The following SAMD5 variants were observed in gnomAD, a reference collection of about 807,000 sequenced individuals.
SAMD5 encodes sterile alpha motif domain-containing protein 5.
In SAMD5, 13 loss-of-function variants were observed where a neutral mutation model predicts 11.3. The observed-to-expected ratio is 1.15, with a 90% CI of 0.75 to 1.83. The LOEUF (loss-of-function observed/expected upper bound fraction) is 1.83. Ranked by LOEUF, SAMD5 falls within the 40% of genes most tolerant of loss-of-function variation. The pLI, the probability that SAMD5 is intolerant of heterozygous loss-of-function variation, is 0.00. For synonymous variants in SAMD5, 129 were observed against 111.3 expected, an observed-to-expected ratio of 1.16 and a Z score of -1.00; for missense variants, 255 against 239.1, an observed-to-expected ratio of 1.07 and a Z score of -0.44.
In SAMD5 at chr6:147,603,723, G is replaced by A. The variant is rs114450913; in HGVS notation, c.162+94336G>A. ...CTTTTCACTAAGCTGTTCACAAAGG[G>A]TTCATGTAAATTGACATTTGGCATA... On this transcript the variant is annotated intron_variant, in intron 1 of 1. Transcript: ENST00000566741. 3.1e-3 allele frequency among the ~76,000 whole-genome samples: 472 copies of A among 151,708 alleles called. 5 individuals carry two copies. The highest frequency in any genetic ancestry group is 0.011 in the African/African-American group (460 of 41,374).
intron 1 of SAMD5, among the ~76,000 whole-genome samples, chr6:147,527,466 A>G (rs1464973596): frequency 6.6e-6 from 1 of 152,146 alleles, no homozygotes; most frequent in Non-Finnish European, 1.5e-5. Flanking sequence ...ATTCATGAGA[A>G]GTCCACTGCC....
intron 1 of SAMD5, among the ~76,000 whole-genome samples, chr6:147,590,187 A>T (rs1194139506): frequency 3.3e-5 from 5 of 152,208 alleles, no homozygotes; most frequent in Middle Eastern, 3.2e-3. Context: ...AGCCAGAATC[A>T]TGATGGTTTA....
chr6:147,915,288 T>C, the SAMD5 span, among the ~76,000 whole-genome samples: 4 of 152,234 alleles, frequency 2.6e-5, no homozygotes, highest in East Asian at 7.7e-4. Context: ...TACATAATGA[T>C]ACATAATTTC....
the SAMD5 span, among the ~76,000 whole-genome samples, chr6:147,765,379 T>TG: frequency 1.3e-5 from 2 of 152,220 alleles, no homozygotes; most frequent in Non-Finnish European, 2.9e-5. Context: ...AATGCATATT[T>TG]GGGAATAAAA....
At chr6:147,758,873 TG>T in the SAMD5 span, among the ~76,000 whole-genome samples, 4 of 152,060 alleles carry the variant, frequency 2.6e-5, no homozygotes, top group East Asian at 5.8e-4. Context: ...TCTGTAAGAA[TG>T]GGGGGTACTC....
At chr6:147,802,100 A>G in the SAMD5 span, among the ~76,000 whole-genome samples, 1 of 152,236 alleles carries the variant, frequency 6.6e-6, no homozygotes, top group Admixed American at 6.5e-5. Context: ...ATTAGCAGAC[A>G]CAAGAAATGA....
chr6:147,805,722 C>T, the SAMD5 span, among the ~76,000 whole-genome samples: 2 of 152,046 alleles, frequency 1.3e-5, no homozygotes, highest in African/African-American at 2.4e-5. Context: ...TACAGTGCCT[C>T]AGAAAAGGAA....
the SAMD5 span, among the ~76,000 whole-genome samples, chr6:147,749,191 A>G: frequency 7.0e-6 from 1 of 142,886 alleles, no homozygotes; most frequent in Non-Finnish European, 1.5e-5. Context: ...TTTTTTTGAG[A>G]CAGAGTCTTG....
At chr6:147,603,720 A>C (rs1169512129) in intron 1 of SAMD5, among the ~76,000 whole-genome samples, 1 of 151,986 alleles carries the variant, frequency 6.6e-6, no homozygotes, top group Non-Finnish European at 1.5e-5. Flanking sequence ...CTGTTCACAA[A>C]GGGTTCATGT....
chr6:147,568,032 C>G lies in SAMD5; in HGVS notation c.*3576C>G, dbSNP rs1158027211. The G allele has an allele frequency of 3.0e-6, 3 of 985,256 alleles. No individual in the cohort carries two copies. Among genetic ancestry groups the G allele is most frequent in the Non-Finnish European group, 3.6e-6 (3 of 829,926 alleles). 61.0% of individuals were successfully genotyped at this position (985,256 alleles called of 1,614,324 possible). On this transcript the variant is annotated 3_prime_UTR_variant, in exon 2 of 2. Coordinates refer to ENST00000367474, the MANE Select transcript of SAMD5 (RefSeq NM_001030060.3). ...ATGAAGGTATTTCATTAGCTTTCTT[C>G]TCTTTATGGCAGCTTCAGATTGATG...
At position 147,711,101 on chromosome 6, in the gene SAMD5, A is replaced by G. The variant is rs1021325744; in HGVS notation, c.163-26216A>G. On this transcript the variant is annotated intron_variant, in intron 1 of 1. Transcript: ENST00000566741. The surrounding 1 kb of genome is among the most constrained non-coding windows in gnomAD (Gnocchi z 4.1). ...GGGAAGGAAGGGGGCAATGGAAAGT[A>G]TCAGAAGTGGGAGGGTGTTGTAGAG... Among the ~76,000 whole-genome samples, 2 of 152,126 alleles carry G rather than the reference A, an allele frequency of 1.3e-5. No individual in the cohort carries two copies. The highest frequency in any genetic ancestry group is 4.8e-5 in the African/African-American group (2 of 41,430).
chr6:147,747,129 A>G, the SAMD5 span, among the ~76,000 whole-genome samples: 1 of 152,228 alleles, frequency 6.6e-6, no homozygotes, highest in South Asian at 2.1e-4. Flanking sequence ...TGAATGGGTC[A>G]GGGATGTTTG....
the SAMD5 span, among the ~76,000 whole-genome samples, chr6:147,783,560 A>T: frequency 2.3e-3 from 351 of 151,648 alleles, 2 homozygotes; most frequent in Non-Finnish European, 1.7e-3. Context: ...CGCCTGGCTA[A>T]TTTTTTTGTT....
the SAMD5 span, among the ~76,000 whole-genome samples, chr6:147,860,942 G>A: frequency 1.3e-5 from 2 of 152,158 alleles, no homozygotes; most frequent in Non-Finnish European, 1.5e-5. Context: ...ACAGGAATAC[G>A]TGGATAGTTG....
intron 1 of SAMD5, among the ~76,000 whole-genome samples, chr6:147,604,252 T>C (rs1029574460): frequency 2.0e-5 from 3 of 151,914 alleles, no homozygotes; most frequent in African/African-American, 7.3e-5. Flanking sequence ...TCAGAACTTA[T>C]GACTTGAGTT....
intron 1 of SAMD5, among the ~76,000 whole-genome samples, chr6:147,641,726 C>A (rs1790315094): frequency 1.3e-5 from 2 of 152,192 alleles, no homozygotes; most frequent in Admixed American, 6.5e-5. Context: ...GGTCTCAAAA[C>A]TCCGCTGTGC....
At chr6:147,810,853 C>T in the SAMD5 span, among the ~76,000 whole-genome samples, 4 of 152,178 alleles carry the variant, frequency 2.6e-5, no homozygotes, top group African/African-American at 9.7e-5. Flanking sequence ...AGTCCACTCC[C>T]TGCCCTGGGT....
At chr6:147,777,557 C>A in the SAMD5 span, among the ~76,000 whole-genome samples, 1 of 152,176 alleles carries the variant, frequency 6.6e-6, no homozygotes, top group Non-Finnish European at 1.5e-5. Context: ...TTTTAACCTT[C>A]TAAGTGTGCA....
the SAMD5 span, among the ~76,000 whole-genome samples, chr6:147,770,254 AT>A: frequency 1.3e-5 from 2 of 151,660 alleles, no homozygotes; most frequent in Non-Finnish European, 2.9e-5. Flanking sequence ...CTGTACTTTA[AT>A]TTTTTTTAAA....
Sources: gnomAD v4.1 joint callset for allele counts (sites outside exome capture counted in the v4.1 genomes callset) on GRCh38, gnomAD v4.1.1 for gene constraint, Gnocchi (gnomAD v3.1) non-coding constraint, MANE v1.5 for transcripts, NCBI Gene and HGNC (gene_info 2026-07-23, HGNC 2026-07-21) for gene names.